Variants in SAMD8 observed in about 807,000 individuals in gnomAD.
SAMD8 encodes the protein sterile alpha motif domain containing 8, also known as sphingomyelin synthase-related protein 1.
In SAMD8, 20 loss-of-function variants were observed where a neutral mutation model predicts 42.0. The observed-to-expected ratio is 0.48, with a 90% CI of 0.34 to 0.69. The LOEUF (loss-of-function observed/expected upper bound fraction) is 0.69. SAMD8 is among the 30% of genes least tolerant of loss of function. The probability of loss-of-function intolerance (pLI) is 0.01; values close to 1 mark genes in which losing one functional copy is unlikely to be tolerated. For missense variants in SAMD8, 328 were observed against 511.6 expected, an observed-to-expected ratio of 0.64 and a Z score of 3.46; for synonymous variants, 162 against 173.0, an observed-to-expected ratio of 0.94 and a Z score of 0.50.
At position 75,111,770 on chromosome 10, in the gene SAMD8, C is replaced by G; in HGVS notation, c.-16+48C>G. On this transcript the variant is annotated intron_variant, in intron 1 of 5. Coordinates refer to ENST00000542569, the MANE Select transcript of SAMD8 (RefSeq NM_001174156.2). The stretch of plus-strand genomic sequence containing the variant: ...GAGAGGGGAGCTTGGGGGGCGCCTG[C>G]TGCCAAGGGTGAGTGGGGAGTCTGG... 2 of 1,232,614 alleles carry G rather than the reference C, an allele frequency of 1.6e-6. 1 individual carries two copies. The highest frequency in any genetic ancestry group is 8.2e-5 in the South Asian group (2 of 24,390). 76.4% of individuals were successfully genotyped at this position (1,232,614 alleles called of 1,614,324 possible).
At position 75,178,708 on chromosome 10, in the gene SAMD8, GC is replaced by G. The variant is rs1195259218; in HGVS notation, c.*2019del. On this transcript the variant is annotated 3_prime_UTR_variant, in exon 6 of 6. Transcript: ENST00000542569. ...GCCTATGAATAACCACTGCATTCCA[GC>G]CCGGGCAAGGTAGCAAGACCCATTC... 6.6e-6 allele frequency: 1 copy of G among 152,152 alleles called. No individual in the cohort carries two copies. The highest frequency in any genetic ancestry group is 6.6e-5 in the Admixed American group (1 of 15,262). The allele number at this position is 152,152 out of a possible 1,614,324, so 9.4% of individuals were successfully genotyped here. A position where few individuals can be genotyped will look rare whatever the true frequency, so the allele number is the denominator to read the frequency against.
At chr10:75,174,874 T>A (rs949974826) in intron 4 of SAMD8, among the ~76,000 whole-genome samples, 4 of 152,144 alleles carry the variant, frequency 2.6e-5, no homozygotes, top group Non-Finnish European at 5.9e-5. Context: ...AAATTCAAAG[T>A]GGCTATGGTT....
intron 2 of SAMD8, among the ~76,000 whole-genome samples, chr10:75,158,453 G>A (rs1049182168): frequency 6.6e-5 from 10 of 151,870 alleles, no homozygotes; most frequent in African/African-American, 1.9e-4. Flanking sequence ...TTAGCCGGGC[G>A]TGGTGGCATG....
chr10:75,150,443 GTGTT>G (rs1840260737), intron 1 of SAMD8, 67 bp from the exon 2 acceptor site: 3 of 1,517,526 alleles, frequency 2.0e-6, no homozygotes, highest in South Asian at 2.7e-5. Flanking sequence ...GTATTTATGT[GTGTT>G]TGTCTTTGAA....
intron 1 of SAMD8, among the ~76,000 whole-genome samples, chr10:75,124,980 T>G (rs1849097271): frequency 6.6e-6 from 1 of 151,986 alleles, no homozygotes; most frequent in African/African-American, 2.4e-5. Context: ...AGAGATGGGA[T>G]TTCACGATGT....
chr10:75,110,016 C>T (rs928385473), upstream of SAMD8, among the ~76,000 whole-genome samples: 1 of 152,228 alleles, frequency 6.6e-6, no homozygotes, highest in South Asian at 2.1e-4. Flanking sequence ...TGGGGTTTTG[C>T]CATGTTGGTC....
chr10:75,174,052 T>G (rs1410675131), intron 4 of SAMD8, among the ~76,000 whole-genome samples: 1 of 150,804 alleles, frequency 6.6e-6, no homozygotes, highest in Non-Finnish European at 1.5e-5. Flanking sequence ...ACCATTATTA[T>G]GTTATTATTA....
At chr10:75,143,353 A>G (rs531920081) in intron 1 of SAMD8, among the ~76,000 whole-genome samples, 18 of 152,182 alleles carry the variant, frequency 1.2e-4, no homozygotes, top group Admixed American at 3.3e-4. Flanking sequence ...AAATGTATAT[A>G]TTTATGCATG....
Position 75,136,055 on chromosome 10 carries a change from ACTTTT to A in SAMD8, c.-15-14443_-15-14439del, listed in dbSNP as rs201624692. Among the ~76,000 whole-genome samples the A allele has an allele frequency of 5.6e-3, 853 of 152,106 alleles. 7 individuals are homozygous for A. Among genetic ancestry groups the A allele is most frequent in the African/African-American group, 0.019 (806 of 41,480 alleles). ...AAGCTCTTCTGCTGCACTGAGTGCT[ACTTTT>A]CTTTTCTTTTCTTTTGGTTTTTTTT... On this transcript the variant is annotated intron_variant, in intron 1 of 5. Transcript: ENST00000542569.
At position 75,164,640 on chromosome 10, in the gene SAMD8, T is replaced by G; in HGVS notation, c.579-5T>G. 6.2e-7 allele frequency: 1 copy of G among 1,613,630 alleles called. No homozygotes were observed. The highest frequency in any genetic ancestry group is 8.5e-7 in the Non-Finnish European group (1 of 1,179,642). ...TCAATTCAAAATCATTTTTTTCTGT[T>G]CCAGCGTTCCTAGAATCCCATGGGC... On this transcript the variant is annotated splice_polypyrimidine_tract_variant and splice_region_variant and intron_variant, in intron 2 of 5. Coordinates refer to ENST00000542569, the MANE Select transcript of SAMD8 (RefSeq NM_001174156.2).
Position 75,168,554 on chromosome 10 carries a change from C to A in SAMD8, c.688C>A (p.Arg230=), listed in dbSNP as rs1463226760. ...LLHKHRSILL[R]RLCSLMGTVF... is the part of the protein sequence containing the mutation. Reference sequence around the variant, plus strand: ...GATCTGTTACAGGTCAATACTTCTGCGAAGGCTCTGTAGTCTGATGGGAAC... The same window carrying A: ...GATCTGTTACAGGTCAATACTTCTGAGAAGGCTCTGTAGTCTGATGGGAAC... Residue 230 remains arginine (R), a synonymous_variant, in exon 4 of 6, where the codon CGA becomes AGA. Transcript: ENST00000542569. 7 of 1,613,358 alleles carry A rather than the reference C, an allele frequency of 4.3e-6. No individual in the cohort carries two copies. Among genetic ancestry groups the A allele is most frequent in the Non-Finnish European group, 5.1e-6 (6 of 1,179,438 alleles).
At chr10:75,150,426 T>G in intron 1 of SAMD8, 88 bp from the exon 2 acceptor site, 1 of 1,485,298 alleles carries the variant, frequency 6.7e-7, no homozygotes, top group Non-Finnish European at 8.9e-7. Context: ...CCTGGCCTGT[T>G]TCTGGTGTAT....
At chr10:75,129,956 C>T (rs1373591056) in intron 1 of SAMD8, among the ~76,000 whole-genome samples, 1 of 152,080 alleles carries the variant, frequency 6.6e-6, no homozygotes, top group Non-Finnish European at 1.5e-5. Flanking sequence ...AAGTGTAATA[C>T]ATGAACCTAA....
intron 1 of SAMD8, among the ~76,000 whole-genome samples, chr10:75,124,821 T>C (rs1016692736): frequency 2.7e-5 from 4 of 147,156 alleles, no homozygotes; most frequent in African/African-American, 7.5e-5. Flanking sequence ...TTTTTTTTTT[T>C]CCTAAGATGG....
At chr10:75,124,948 T>G (rs10824279) in intron 1 of SAMD8, among the ~76,000 whole-genome samples, 1 of 151,610 alleles carries the variant, frequency 6.6e-6, no homozygotes, top group Non-Finnish European at 1.5e-5. Flanking sequence ...GTTGTTGTTG[T>G]TTTTGTTTGT....
intron 1 of SAMD8, among the ~76,000 whole-genome samples, chr10:75,104,915 C>T (rs2134380581): frequency 6.6e-6 from 1 of 152,088 alleles, no homozygotes; most frequent in African/African-American, 2.4e-5. Flanking sequence ...AGAGTCAGGC[C>T]CTGCCCTGGG....
At chr10:75,104,523 C>T (rs1848374468) in intron 1 of SAMD8, among the ~76,000 whole-genome samples, 1 of 152,162 alleles carries the variant, frequency 6.6e-6, no homozygotes, top group Non-Finnish European at 1.5e-5. Context: ...AGGCCCCAGG[C>T]TGAGGGAGAA....
chr10:75,109,010 C>T (rs760032132), upstream of SAMD8: 25 of 1,602,506 alleles, frequency 1.6e-5, no homozygotes, highest in East Asian at 5.2e-4. Context: ...ACCACTCACG[C>T]ATCTCCTATG....
At chr10:75,112,335 G>T (rs1413187547) in intron 1 of SAMD8, among the ~76,000 whole-genome samples, 1 of 152,244 alleles carries the variant, frequency 6.6e-6, no homozygotes, top group Non-Finnish European at 1.5e-5. Flanking sequence ...CTGAAAAAGA[G>T]AAGTGTGGTC....
Sources: allele counts gnomAD v4.1 joint callset (sites outside exome capture counted in the v4.1 genomes callset), GRCh38; gene constraint gnomAD v4.1.1; transcripts MANE v1.5; gene names NCBI Gene and HGNC (gene_info 2026-07-23, HGNC 2026-07-21).